Variants in GTF2E2 observed in about 807,000 individuals in gnomAD.
GTF2E2 encodes the protein general transcription factor IIE subunit 2, also known as transcription initiation factor IIE subunit beta.
Under a neutral mutation model 40.5 loss-of-function variants are expected in GTF2E2, and 21 were observed. The ratio of observed to expected loss-of-function variants is 0.52; its 90% CI spans 0.37 to 0.75. The LOEUF (loss-of-function observed/expected upper bound fraction) is 0.75. Among genes scored for constraint, GTF2E2 ranks in the 30% least tolerant of loss-of-function variants. GTF2E2 has a pLI of 0.00. For synonymous variants in GTF2E2, 117 were observed against 121.6 expected (o/e 0.96, Z 0.25); for missense variants, 298 against 338.4 (o/e 0.88, Z 0.94).
intron 2 of GTF2E2, among the ~76,000 whole-genome samples, chr8:30,640,297 A>G (rs1362924820): frequency 6.6e-6 from 1 of 152,230 alleles, no homozygotes; most frequent in Admixed American, 6.5e-5. Flanking sequence ...CAGCAAAAGC[A>G]TAACTTTATT....
intron 6 of GTF2E2, among the ~76,000 whole-genome samples, chr8:30,583,385 CTGTT>C (rs140481367): frequency 8.4e-4 from 127 of 151,998 alleles, no homozygotes; most frequent in African/African-American, 2.0e-3. Flanking sequence ...CTTCAGTTCA[CTGTT>C]TGTTTGTTGA....
intron 2 of GTF2E2, chr8:30,645,730 A>G (rs1173589655): frequency 5.7e-6 from 5 of 883,606 alleles, no homozygotes; most frequent in South Asian, 1.9e-5. Context: ...GTAGAAGGGG[A>G]AAAAAAAGTT....
intron 6 of GTF2E2, chr8:30,597,007 T>G (rs1829027670): frequency 3.9e-5 from 6 of 152,366 alleles, no homozygotes. Flanking sequence ...GCCTCCACGT[T>G]CTTGCGCCTT....
intron 3 of GTF2E2, among the ~76,000 whole-genome samples, chr8:30,615,859 A>G (rs1800904763): frequency 6.6e-6 from 1 of 152,184 alleles, no homozygotes; most frequent in Non-Finnish European, 1.5e-5. Context: ...ATGTACATAC[A>G]AAAATCCACT....
chr8:30,582,194 T>TG (rs1445964204), intron 6 of GTF2E2, among the ~76,000 whole-genome samples: 1 of 151,152 alleles, frequency 6.6e-6, no homozygotes, highest in Non-Finnish European at 1.5e-5. Context: ...TCTGGGGGGG[T>TG]GGGGGGTTGT....
intron 2 of GTF2E2, among the ~76,000 whole-genome samples, chr8:30,642,803 G>A (rs1801896706): frequency 6.6e-6 from 1 of 152,184 alleles, no homozygotes; most frequent in Non-Finnish European, 1.5e-5. Context: ...CAGAAGAATA[G>A]CTCATTAATG....
chr8:30,609,276 AAAAAGAG>A (rs888539015), intron 5 of GTF2E2, among the ~76,000 whole-genome samples: 1 of 98,770 alleles, frequency 1.0e-5, no homozygotes, highest in African/African-American at 4.5e-5. Flanking sequence ...AAAAAAAAAA[AAAAAGAG>A]AAAGAAAGAA....
At chr8:30,627,434 T>C (rs1277424128) in intron 3 of GTF2E2, among the ~76,000 whole-genome samples, 1 of 146,316 alleles carries the variant, frequency 6.8e-6, no homozygotes, top group South Asian at 2.3e-4. Flanking sequence ...CACGGCAAGG[T>C]TTTACCTCTC....
At chr8:30,646,423 C>A (rs1416959708) in intron 2 of GTF2E2, among the ~76,000 whole-genome samples, 1 of 151,016 alleles carries the variant, frequency 6.6e-6, no homozygotes, top group African/African-American at 2.4e-5. Context: ...AGTTTTATTT[C>A]TTGGAATTCC....
chr8:30,615,850 T>C (rs75504156), intron 3 of GTF2E2, among the ~76,000 whole-genome samples: 56 of 152,270 alleles, frequency 3.7e-4, no homozygotes, highest in Middle Eastern at 3.4e-3. Flanking sequence ...CAAAAAATTA[T>C]GTACATACAA....
chr8:30,605,611 C>T (rs1829297404), intron 6 of GTF2E2, among the ~76,000 whole-genome samples: 1 of 145,388 alleles, frequency 6.9e-6, no homozygotes, highest in African/African-American at 2.6e-5. Context: ...ATAAAGGAAT[C>T]GGTTATTTCT....
intron 1 of GTF2E2, among the ~76,000 whole-genome samples, chr8:30,655,188 C>T (rs1224044867): frequency 7.2e-6 from 1 of 139,598 alleles, no homozygotes; most frequent in Non-Finnish European, 1.6e-5. Flanking sequence ...TACAGCAAAA[C>T]TCTGTCTCAA....
intron 3 of GTF2E2, among the ~76,000 whole-genome samples, chr8:30,630,517 C>T (rs1801409165): frequency 6.6e-6 from 1 of 152,158 alleles, no homozygotes; most frequent in African/African-American, 2.4e-5. Flanking sequence ...TAAAGGTACA[C>T]AAAAGACAGT....
chr8:30,652,387 TCA>T (rs1802310208), intron 2 of GTF2E2, among the ~76,000 whole-genome samples: 1 of 151,928 alleles, frequency 6.6e-6, no homozygotes, highest in African/African-American at 2.4e-5. Flanking sequence ...GAAATATACC[TCA>T]GTTTTTTTTA....
At chr8:30,634,387 G>A (rs752319883) in intron 3 of GTF2E2, among the ~76,000 whole-genome samples, 1 of 152,050 alleles carries the variant, frequency 6.6e-6, no homozygotes, top group Admixed American at 6.6e-5. Context: ...GTTCAAGGCT[G>A]CAGTGAGCTA....
chr8:30,616,187 A>G (rs1196833851), intron 3 of GTF2E2, among the ~76,000 whole-genome samples: 1 of 152,196 alleles, frequency 6.6e-6, no homozygotes, highest in African/African-American at 2.4e-5. Context: ...CACACCTGTA[A>G]TCCCAGCACT....
At chr8:30,640,632 C>T (rs1364743974) in intron 2 of GTF2E2, among the ~76,000 whole-genome samples, 1 of 152,106 alleles carries the variant, frequency 6.6e-6, no homozygotes, top group Non-Finnish European at 1.5e-5. Flanking sequence ...ATGTTTACAG[C>T]ATTTGCTTAA....
chr8:30,618,974 C>T (rs920629863), intron 3 of GTF2E2, among the ~76,000 whole-genome samples: 32 of 152,110 alleles, frequency 2.1e-4, no homozygotes, highest in Non-Finnish European at 4.4e-4. Flanking sequence ...GATGTAGTCT[C>T]GCCTTGTCAC....
At chr8:30,640,551 G>T (rs1801779476) in intron 2 of GTF2E2, among the ~76,000 whole-genome samples, 1 of 152,156 alleles carries the variant, frequency 6.6e-6, no homozygotes, top group African/African-American at 2.4e-5. Context: ...TAAGGCATGG[G>T]TAGGGAAGTC....
Sources: allele counts gnomAD v4.1 joint callset (sites outside exome capture counted in the v4.1 genomes callset), GRCh38; gene constraint gnomAD v4.1.1; transcripts MANE v1.5; gene names NCBI Gene and HGNC (gene_info 2026-07-23, HGNC 2026-07-21).